The following CRY1 variants were observed in gnomAD, a reference collection of about 807,000 sequenced individuals.
The protein encoded by CRY1 is cryptochrome circadian regulator 1.
Under a neutral mutation model 76.0 loss-of-function variants are expected in CRY1, and 45 were observed. The ratio of observed to expected loss-of-function variants is 0.59; its 90% CI spans 0.47 to 0.76. The LOEUF is 0.76. Ranked by LOEUF, CRY1 falls within the 30% of genes least tolerant of loss-of-function variation. CRY1 has a pLI of 0.00. For missense variants in CRY1, 587 were observed against 716.4 expected, an observed-to-expected ratio of 0.82 and a Z score of 2.06; for synonymous variants, 248 against 244.0, an observed-to-expected ratio of 1.02 and a Z score of -0.15.
chr12:107,079,575 A>G (rs981056331), intron 1 of CRY1, among the ~76,000 whole-genome samples: 1 of 152,142 alleles, frequency 6.6e-6, no homozygotes, highest in Non-Finnish European at 1.5e-5. Flanking sequence ...AACATCTCCT[A>G]TCTTTTCATG....
rs375511359 is a variant in CRY1 at position 107,026,658 on chromosome 12, G to C, written c.159-4466C>G. On this transcript the variant is annotated intron_variant, in intron 1 of 12. Coordinates refer to ENST00000008527, the MANE Select transcript of CRY1 (RefSeq NM_004075.5). The stretch of plus-strand genomic sequence containing the variant: ...TCAAATGACCTAGTAGGGGTGTCTT[G>C]TGTAACTGTTGAAAGGATTAGGAGC... Among the ~76,000 whole-genome samples the C allele has an allele frequency of 2.2e-4, 34 of 152,180 alleles. 1 individual carries two copies. The highest frequency in any genetic ancestry group is 7.7e-4 in the African/African-American group (32 of 41,536).
chr12:106,998,908 G>T (rs919722404), intron 7 of CRY1, among the ~76,000 whole-genome samples: 1 of 151,988 alleles, frequency 6.6e-6, no homozygotes, highest in Admixed American at 6.6e-5. Flanking sequence ...TGGGCACAGT[G>T]GTGGGCACCT....
intron 1 of CRY1, among the ~76,000 whole-genome samples, chr12:107,068,390 T>C (rs2136889622): frequency 6.6e-6 from 1 of 152,234 alleles, no homozygotes; most frequent in South Asian, 2.1e-4. Flanking sequence ...CTCCGCCTCC[T>C]TGGTTTAAGC....
intron 2 of CRY1, among the ~76,000 whole-genome samples, chr12:107,010,319 G>A (rs867332726): frequency 6.6e-6 from 1 of 152,036 alleles, no homozygotes; most frequent in Admixed American, 6.6e-5. Context: ...TGTTTTCAAA[G>A]AACCCGTTTT....
intron 2 of CRY1, 32 bp from the exon 3 acceptor site, chr12:107,005,280 C>CAATT: frequency 6.4e-7 from 1 of 1,553,158 alleles, no homozygotes; most frequent in Non-Finnish European, 8.7e-7. Flanking sequence ...CAATGTACAC[C>CAATT]AATTGTAATA....
chr12:107,067,726 T>C (rs1165473827), intron 1 of CRY1, among the ~76,000 whole-genome samples: 1 of 151,990 alleles, frequency 6.6e-6, no homozygotes, highest in African/African-American at 2.4e-5. Context: ...GAAGAAGGTG[T>C]TGGAAAAGTG....
intron 3 of CRY1, among the ~76,000 whole-genome samples, chr12:107,003,761 T>A (rs959554571): frequency 1.3e-5 from 2 of 152,004 alleles, no homozygotes; most frequent in Non-Finnish European, 2.9e-5. Flanking sequence ...TTTAATATGA[T>A]AGATTACATA....
At chr12:107,032,462 C>A (rs1487979594) in intron 1 of CRY1, among the ~76,000 whole-genome samples, 1 of 151,962 alleles carries the variant, frequency 6.6e-6, no homozygotes. Flanking sequence ...CATGACAATG[C>A]GTTTAAAGTG....
intron 1 of CRY1, among the ~76,000 whole-genome samples, chr12:107,091,266 G>C (rs571679326): frequency 1.3e-5 from 2 of 152,008 alleles, no homozygotes; most frequent in East Asian, 3.9e-4. Context: ...GGCTGGTCTC[G>C]AACTCCTGGC....
rs1393545119 is a variant in CRY1 at position 106,997,515 on chromosome 12, G to A, written c.1465C>T (p.Gln489Ter). ...LNIERMKQIY[Q>*]QLSRYRGLGL... is the part of the protein sequence containing the mutation. The stretch of plus-strand genomic sequence containing the variant: ...AGTCCTCTATATCGTGAAAGCTGCT[G>A]ATAGATCTGTTTCATCCTTTCGATA... Residue 489 changes from glutamine (Q) to a stop codon, truncating the protein, a stop_gained, in exon 9 of 13, where the codon CAG (glutamine) becomes TAG (stop). Coordinates refer to ENST00000008527, the MANE Select transcript of CRY1 (RefSeq NM_004075.5). LOFTEE classifies it high-confidence loss of function. 6.2e-7 allele frequency: 1 copy of A among 1,613,876 alleles called. No homozygotes were observed. Among genetic ancestry groups the A allele is most frequent in the African/African-American group, 1.3e-5 (1 of 74,918 alleles).
At chr12:107,039,688 C>T (rs1414539747) in intron 1 of CRY1, among the ~76,000 whole-genome samples, 12 of 152,164 alleles carry the variant, frequency 7.9e-5, no homozygotes, top group Non-Finnish European at 1.5e-5. Context: ...TATGGAGAAA[C>T]TGGAACCCTA....
At chr12:107,087,666 G>C (rs990975376) in intron 1 of CRY1, among the ~76,000 whole-genome samples, 1 of 152,166 alleles carries the variant, frequency 6.6e-6, no homozygotes, top group African/African-American at 2.4e-5. Flanking sequence ...AATCTGCCTT[G>C]AGTCTCGGAT....
intron 1 of CRY1, chr12:107,050,381 C>T (rs770745963): frequency 1.3e-5 from 2 of 152,220 alleles, no homozygotes; most frequent in South Asian, 2.1e-4. Context: ...TAGGGGGGAG[C>T]CATTTGGGTC....
intron 1 of CRY1, among the ~76,000 whole-genome samples, chr12:107,046,596 A>C (rs1056323883): frequency 6.6e-6 from 1 of 152,184 alleles, no homozygotes; most frequent in Non-Finnish European, 1.5e-5. Flanking sequence ...GAGTAGCCAA[A>C]TGGATTTTAA....
chr12:107,065,529 A>G (rs1004329241), intron 1 of CRY1, among the ~76,000 whole-genome samples: 3 of 152,008 alleles, frequency 2.0e-5, no homozygotes, highest in Non-Finnish European at 2.9e-5. Context: ...CTGGAGGTTG[A>G]GGTTGCAGTG....
chr12:107,045,797 CGG>C (rs1952842071), intron 1 of CRY1, among the ~76,000 whole-genome samples: 1 of 150,792 alleles, frequency 6.6e-6, no homozygotes, highest in African/African-American at 2.4e-5. Context: ...CATCACACAC[CGG>C]GGCCTGTTGT....
At chr12:107,049,437 C>T (rs1394320046) in intron 1 of CRY1, among the ~76,000 whole-genome samples, 7 of 152,094 alleles carry the variant, frequency 4.6e-5, no homozygotes, top group South Asian at 2.1e-4. Flanking sequence ...TGCAGTAGTG[C>T]GATCTTGGCT....
chr12:107,000,078 C>A lies in CRY1; in HGVS notation c.689G>T (p.Trp230Leu). ...TCGAGGTCTTTCAAAATTTGCCACC[C>A]AAGCCTGAAAACACACAGAGAAAAT... ...RLERHLERKA[W>L]VANFERPRMN... Residue 230 changes from tryptophan to leucine, a missense_variant, in exon 6 of 13, where the codon TGG becomes TTG. By Grantham distance (61) the Trp-to-Leu change is moderately conservative. Transcript: ENST00000008527. 6.3e-7 allele frequency: 1 copy of A among 1,597,324 alleles called. No individual in the cohort carries two copies. The highest frequency in any genetic ancestry group is 8.5e-7 in the Non-Finnish European group (1 of 1,175,302).
chr12:107,010,788 G>A (rs1198951419), intron 2 of CRY1, among the ~76,000 whole-genome samples: 4 of 151,624 alleles, frequency 2.6e-5, no homozygotes, highest in Non-Finnish European at 5.9e-5. Flanking sequence ...GTTTTGGGGT[G>A]CCATGAATTG....
Sources: gnomAD v4.1 joint callset for allele counts (sites outside exome capture counted in the v4.1 genomes callset) on GRCh38, gnomAD v4.1.1 for gene constraint, MANE v1.5 for transcripts, NCBI Gene and HGNC (gene_info 2026-07-23, HGNC 2026-07-21) for gene names.